C12orf42: variants seen among roughly 807,000 people sequenced by gnomAD.
C12orf42 encodes the protein chromosome 12 open reading frame 42.
C12orf42 carries 25 observed loss-of-function variants against 21.6 expected under a neutral mutation model. That is an observed-to-expected ratio of 1.16 (90% confidence interval 0.84 to 1.62). The LOEUF is 1.62. C12orf42 is among the 40% of genes most tolerant of loss of function. The probability of loss-of-function intolerance (pLI) is 0.00; values close to 1 mark genes in which losing one functional copy is unlikely to be tolerated. For synonymous variants in C12orf42, 174 were observed against 175.0 expected, an observed-to-expected ratio of 0.99 and a Z score of 0.05; for missense variants, 483 against 459.3, an observed-to-expected ratio of 1.05 and a Z score of -0.47.
chr12:103,414,327 G>A (rs551292366), intron 2 of C12orf42, among the ~76,000 whole-genome samples: 14 of 145,878 alleles, frequency 9.6e-5, no homozygotes, highest in Middle Eastern at 3.5e-3. Context: ...CTTTTTTATG[G>A]GATTGTTTGT....
intron 3 of C12orf42, among the ~76,000 whole-genome samples, chr12:103,399,346 T>C (rs1313678694): frequency 6.6e-6 from 1 of 151,780 alleles, no homozygotes; most frequent in East Asian, 1.9e-4. Flanking sequence ...CACTATTAAG[T>C]CTATTTTTGT....
chr12:103,311,577 C>T (rs2038976440), intron 4 of C12orf42, among the ~76,000 whole-genome samples: 1 of 152,228 alleles, frequency 6.6e-6, no homozygotes, highest in Admixed American at 6.5e-5. Flanking sequence ...AAGGAAAGTC[C>T]TTTTGCAATC....
the C12orf42 span, among the ~76,000 whole-genome samples, chr12:103,215,420 CACTTG>C: frequency 2.9e-5 from 4 of 139,442 alleles, no homozygotes; most frequent in South Asian, 9.5e-4. Context: ...GAAGGACCTC[CACTTG>C]AGTATCCCTC....
the C12orf42 span, among the ~76,000 whole-genome samples, chr12:103,502,907 T>A: frequency 0.013 from 1,942 of 152,328 alleles, 20 homozygotes; most frequent in Middle Eastern, 0.02. Flanking sequence ...TCATGAGTTT[T>A]GATAGTCCAA....
At chr12:103,332,424 G>C (rs570305487) in intron 4 of C12orf42, among the ~76,000 whole-genome samples, 7 of 152,268 alleles carry the variant, frequency 4.6e-5, no homozygotes, top group African/African-American at 1.7e-4. Context: ...ATATGAAATG[G>C]GAGACTGAGA....
chr12:103,399,507 A>G (rs2047810908), intron 3 of C12orf42, among the ~76,000 whole-genome samples: 3 of 111,854 alleles, frequency 2.7e-5, no homozygotes, highest in South Asian at 5.2e-4. Flanking sequence ...TCAAAAAAAA[A>G]AAAAAAGAAG....
the C12orf42 span, among the ~76,000 whole-genome samples, chr12:103,113,891 A>G: frequency 6.6e-6 from 1 of 152,222 alleles, no homozygotes; most frequent in East Asian, 1.9e-4. Flanking sequence ...ACCAGGTTGC[A>G]CATTTATTTC....
intron 10 of C12orf42, among the ~76,000 whole-genome samples, chr12:103,257,232 G>A (rs2034658524): frequency 6.6e-6 from 1 of 152,102 alleles, no homozygotes; most frequent in Non-Finnish European, 1.5e-5. Flanking sequence ...GAGAAGATCA[G>A]AAAAATAACT....
intron 5 of C12orf42, among the ~76,000 whole-genome samples, chr12:103,276,687 T>G (rs1403555789): frequency 1.3e-5 from 2 of 152,236 alleles, no homozygotes; most frequent in Non-Finnish European, 2.9e-5. Context: ...ATCTTTGATC[T>G]TGTAAACCTC....
chr12:103,359,196 T>C (rs1313437202), intron 4 of C12orf42, among the ~76,000 whole-genome samples: 1 of 152,110 alleles, frequency 6.6e-6, no homozygotes, highest in Non-Finnish European at 1.5e-5. Context: ...TTTTTTTTTA[T>C]CTTTTTCTTA....
intron 4 of C12orf42, among the ~76,000 whole-genome samples, chr12:103,295,406 C>T (rs2037192932): frequency 6.8e-6 from 1 of 147,446 alleles, no homozygotes; most frequent in Non-Finnish European, 1.5e-5. Flanking sequence ...TCATCAACTG[C>T]ATACATTGTT....
the C12orf42 span, among the ~76,000 whole-genome samples, chr12:103,227,383 G>T: frequency 1.3e-5 from 2 of 151,696 alleles, no homozygotes; most frequent in South Asian, 2.1e-4. Context: ...AGGGATTGGG[G>T]TGCAGAGATA....
chr12:103,102,540 G>T, the C12orf42 span, among the ~76,000 whole-genome samples: 1 of 152,174 alleles, frequency 6.6e-6, no homozygotes, highest in Non-Finnish European at 1.5e-5. Context: ...GGCCAGTAAA[G>T]TCCCTTCCTC....
the C12orf42 span, among the ~76,000 whole-genome samples, chr12:103,158,149 C>T: frequency 3.9e-5 from 6 of 152,118 alleles, no homozygotes; most frequent in Non-Finnish European, 5.9e-5. Context: ...ACAAGCATTG[C>T]GTGGATTATC....
At chr12:103,335,897 C>A (rs2137131684) in intron 4 of C12orf42, among the ~76,000 whole-genome samples, 1 of 152,294 alleles carries the variant, frequency 6.6e-6, no homozygotes, top group Admixed American at 6.5e-5. Flanking sequence ...CTGTTATTTT[C>A]TTTTTATATT....
chr12:103,319,335 A>G (rs2039846971), intron 4 of C12orf42, among the ~76,000 whole-genome samples: 1 of 152,230 alleles, frequency 6.6e-6, no homozygotes, highest in Non-Finnish European at 1.5e-5. Flanking sequence ...AATAAAATTA[A>G]GGAGAAGAGT....
At chr12:103,319,287 T>C (rs1383209193) in intron 4 of C12orf42, among the ~76,000 whole-genome samples, 3 of 152,190 alleles carry the variant, frequency 2.0e-5, no homozygotes, top group Admixed American at 6.5e-5. Context: ...GGAATGATGA[T>C]CTTTCTTAAA....
chr12:103,241,307 T>C (rs1321946589), intron 10 of C12orf42, among the ~76,000 whole-genome samples: 1 of 152,160 alleles, frequency 6.6e-6, no homozygotes, highest in East Asian at 1.9e-4. Flanking sequence ...TTTATTTAGA[T>C]TCCATTTTAG....
At chr12:103,061,493 T>C in the C12orf42 span, among the ~76,000 whole-genome samples, 1 of 143,012 alleles carries the variant, frequency 7.0e-6, no homozygotes, top group East Asian at 1.9e-4. Context: ...CCCATCATGA[T>C]TTTTTTTTCT....
Sources: gnomAD v4.1 joint callset for allele counts (sites outside exome capture counted in the v4.1 genomes callset) on GRCh38, gnomAD v4.1.1 for gene constraint, MANE v1.5 for transcripts, NCBI Gene and HGNC (gene_info 2026-07-23, HGNC 2026-07-21) for gene names.